Variants in BMERB1 observed in about 807,000 individuals in gnomAD.
BMERB1 encodes bMERB domain containing 1.
BMERB1 carries 12 observed loss-of-function variants against 23.6 expected under a neutral mutation model. The ratio of observed to expected loss-of-function variants is 0.51; its 90% confidence interval spans 0.33 to 0.82. The LOEUF (loss-of-function observed/expected upper bound fraction) is 0.82, where lower values mean the gene tolerates loss of function less well. BMERB1 is among the 40% of genes least tolerant of loss of function. The pLI is 0.03. For missense variants in BMERB1, 247 were observed against 255.4 expected, an observed-to-expected ratio of 0.97 and a Z score of 0.22; for synonymous variants, 122 against 96.6, an observed-to-expected ratio of 1.26 and a Z score of -1.54.
chr16:15,459,072 C>CA (rs1485407954), intron 1 of BMERB1, among the ~76,000 whole-genome samples: 2 of 152,094 alleles, frequency 1.3e-5, no homozygotes, highest in Non-Finnish European at 2.9e-5. Flanking sequence ...CGCGCCACTG[C>CA]ACTCCAGCCC....
chr16:15,464,652 G>C (rs2051166283), intron 1 of BMERB1, among the ~76,000 whole-genome samples: 1 of 152,096 alleles, frequency 6.6e-6, no homozygotes, highest in Non-Finnish European at 1.5e-5. Context: ...GACTATATTG[G>C]GTAACTTCCA....
intron 1 of BMERB1, among the ~76,000 whole-genome samples, chr16:15,470,825 C>CTTTTTT (rs35873574): frequency 4.1e-5 from 2 of 49,334 alleles, no homozygotes; most frequent in Non-Finnish European, 7.7e-5. Flanking sequence ...CACCTGGCCT[C>CTTTTTT]TTTTTTTTTT....
chr16:15,458,530 C>G (rs1219045006), intron 1 of BMERB1, among the ~76,000 whole-genome samples: 9 of 151,576 alleles, frequency 5.9e-5, no homozygotes, highest in Non-Finnish European at 1.0e-4. Context: ...GCCTGGGCAA[C>G]ATGGTGAAAC....
Position 15,454,265 on chromosome 16 carries a change from CAT to C in BMERB1, c.106+19508_106+19509del, listed in dbSNP as rs903056539. ...CTACAGTCACGAGAATAGGATGTAA[CAT>C]AAAGTCTAATGTGATTCAGCAAACA... On this transcript the variant is annotated intron_variant, in intron 1 of 5. Transcript: ENST00000300006. Among the ~76,000 whole-genome samples, 13 of 152,204 alleles carry C rather than the reference CAT, an allele frequency of 8.5e-5. No individual in the cohort carries two copies. In the South Asian group the frequency reaches 1.4e-3, roughly 17 times the overall value.
At chr16:15,562,051 T>C (rs1476364599) in intron 2 of BMERB1, among the ~76,000 whole-genome samples, 2 of 151,870 alleles carry the variant, frequency 1.3e-5, no homozygotes, top group East Asian at 3.9e-4. Context: ...CTCACGCCTA[T>C]CATCCCAGCA....
chr16:15,563,870 A>C (rs1474084651), intron 2 of BMERB1, among the ~76,000 whole-genome samples: 1 of 152,212 alleles, frequency 6.6e-6, no homozygotes, highest in Admixed American at 6.5e-5. Context: ...ACACAGATCC[A>C]AACTACATCA....
At chr16:15,489,853 C>T (rs900444069) in intron 1 of BMERB1, among the ~76,000 whole-genome samples, 4 of 152,052 alleles carry the variant, frequency 2.6e-5, no homozygotes, top group African/African-American at 9.7e-5. Flanking sequence ...TTATTTTCAG[C>T]GATCCATTCC....
At chr16:15,583,074 C>G in intron 4 of BMERB1, 82 bp from the exon 5 acceptor site, 1 of 1,051,398 alleles carries the variant, frequency 9.5e-7, no homozygotes, top group Admixed American at 1.7e-5. Flanking sequence ...GTTGCTTAAC[C>G]TATTGGTTTA....
chr16:15,515,399 G>A lies in BMERB1; in HGVS notation c.201G>A (p.Leu67=). Residue 67 remains leucine (L), a synonymous_variant, in exon 2 of 6, where the codon TTG becomes TTA. Transcript: ENST00000300006. ...AAATTCAGCGTCTCCGGGAAGTCTT[G>A]GTCCGCCGGGAGTCTGAGCTCAGGT... The part of the protein sequence containing the change: ...MAKIQRLREV[L]VRRESELRFM... The A allele has an allele frequency of 6.2e-7, 1 of 1,614,018 alleles. No individual in the cohort carries two copies. Among genetic ancestry groups the A allele is most frequent in the South Asian group, 1.1e-5 (1 of 91,072 alleles).
chr16:15,504,297 A>G (rs2051560952), intron 1 of BMERB1, among the ~76,000 whole-genome samples: 1 of 152,196 alleles, frequency 6.6e-6, no homozygotes, highest in South Asian at 2.1e-4. Context: ...TTGCAAATGT[A>G]ACATCTGACC....
Position 15,434,612 on chromosome 16 carries a change from G to A in BMERB1, c.-42G>A, listed in dbSNP as rs556150205. ...CCTCCCTGCAGCCCGCAACGGGAAT[G>A]GAGTAAAGGGAGACCCGTCGACCTG... On this transcript the variant is annotated 5_prime_UTR_variant, in exon 1 of 6. It removes an upstream start codon present in the reference 5' UTR. Transcript: ENST00000300006. The A allele has an allele frequency of 6.4e-7, 1 of 1,567,498 alleles. No individual in the cohort carries two copies. Among genetic ancestry groups the A allele is most frequent in the Admixed American group, 1.7e-5 (1 of 59,898 alleles).
At chr16:15,509,729 C>G (rs987708303) in intron 1 of BMERB1, among the ~76,000 whole-genome samples, 3 of 151,982 alleles carry the variant, frequency 2.0e-5, no homozygotes, top group Non-Finnish European at 4.4e-5. Flanking sequence ...ATCTCAAGCC[C>G]CTGGAGAGAG....
chr16:15,519,478 T>C (rs2051822928), intron 2 of BMERB1, among the ~76,000 whole-genome samples: 1 of 152,018 alleles, frequency 6.6e-6, no homozygotes, highest in Admixed American at 6.6e-5. Flanking sequence ...GCAACCTCCG[T>C]CTCCTGGGTT....
At chr16:15,556,819 C>T (rs1323564529) in intron 2 of BMERB1, among the ~76,000 whole-genome samples, 1 of 152,130 alleles carries the variant, frequency 6.6e-6, no homozygotes, top group Non-Finnish European at 1.5e-5. Flanking sequence ...TTCTTGACCT[C>T]GTGATCCGCC....
At chr16:15,500,720 C>G (rs153789) in intron 1 of BMERB1, among the ~76,000 whole-genome samples, 76,438 of 152,102 alleles carry the variant, frequency 0.5, 21,300 homozygotes, top group Middle Eastern at 0.67. Context: ...GGCGCAGTCT[C>G]GGCTCACTGC....
intron 2 of BMERB1, among the ~76,000 whole-genome samples, chr16:15,558,495 T>G (rs2150968761): frequency 6.6e-6 from 1 of 152,178 alleles, no homozygotes; most frequent in Middle Eastern, 3.4e-3. Flanking sequence ...TTGGGCCCTC[T>G]GACGTCAAAA....
intron 1 of BMERB1, among the ~76,000 whole-genome samples, chr16:15,480,427 T>A (rs895196212): frequency 9.2e-5 from 14 of 151,700 alleles, no homozygotes; most frequent in African/African-American, 3.1e-4. Flanking sequence ...CTGATTTTAT[T>A]TTCATTTTCT....
rs1414884999 is a variant in BMERB1, at chr16:15,588,088, T to G, written c.*1259T>G. The G allele has an allele frequency of 6.6e-6, 1 of 152,026 alleles. No homozygotes were observed. Among genetic ancestry groups the G allele is most frequent in the Admixed American group, 6.6e-5 (1 of 15,258 alleles). 9.4% of individuals were successfully genotyped at this position (152,026 alleles called of 1,614,324 possible). A position where few individuals can be genotyped will look rare whatever the true frequency, so the allele number is the denominator to read the frequency against. ...AAAAAAAAAAAATTATTCCTCCAACTAGAGACCACTCTGATGTTTCGACGT... is the reference window on the plus strand; with the variant it reads ...AAAAAAAAAAAATTATTCCTCCAACGAGAGACCACTCTGATGTTTCGACGT... On this transcript the variant is annotated 3_prime_UTR_variant, in exon 6 of 6. Coordinates refer to ENST00000300006, the MANE Select transcript of BMERB1 (RefSeq NM_033201.3).
intron 1 of BMERB1, among the ~76,000 whole-genome samples, chr16:15,463,947 G>A (rs1374002254): frequency 2.6e-5 from 4 of 152,108 alleles, no homozygotes; most frequent in Non-Finnish European, 5.9e-5. Context: ...GCAAGAGAGG[G>A]CTCTCGGATC....
Sources: allele counts gnomAD v4.1 joint callset (sites outside exome capture counted in the v4.1 genomes callset), GRCh38; gene constraint gnomAD v4.1.1; transcripts MANE v1.5; gene names NCBI Gene and HGNC (gene_info 2026-07-23, HGNC 2026-07-21).